SCAPER: variants seen among roughly 807,000 people sequenced by gnomAD.
SCAPER encodes S-phase cyclin A associated protein in the ER.
A neutral mutation model predicts 182.2 loss-of-function variants in SCAPER; 98 were observed. The observed-to-expected ratio is 0.54, with a 90% CI of 0.46 to 0.64. SCAPER has a LOEUF of 0.64. Ranked by LOEUF, SCAPER falls within the 30% of genes least tolerant of loss-of-function variation. SCAPER has a pLI of 0.00. For synonymous variants in SCAPER, 605 were observed against 564.6 expected (o/e 1.07, Z -1.01); for missense variants, 1,432 against 1,690.0 (o/e 0.85, Z 2.68).
At chr15:76,426,945 G>C (rs892504145) in intron 26 of SCAPER, among the ~76,000 whole-genome samples, 15 of 152,190 alleles carry the variant, frequency 9.9e-5, no homozygotes, top group Non-Finnish European at 1.8e-4. Flanking sequence ...TTTTGGTAAA[G>C]CTGCCAAGAA....
At chr15:76,810,536 TAC>T (rs1177684090) in intron 5 of SCAPER, among the ~76,000 whole-genome samples, 1 of 71,852 alleles carries the variant, frequency 1.4e-5, no homozygotes, top group Admixed American at 1.3e-4. Context: ...AATCTAGCAA[TAC>T]AAAAAAAAAA....
In SCAPER at chr15:76,610,999, C is replaced by T. The variant is rs1236210129; in HGVS notation, c.2711+10765G>A. Among the ~76,000 whole-genome samples, 4 of 152,130 alleles carry T rather than the reference C, an allele frequency of 2.6e-5. No individual in the cohort carries two copies. In the East Asian group the frequency reaches 7.7e-4, roughly 29 times the overall value. ...AAAAAGAACAGAACTGAAGGCATCACACTTCCTGACTTTAAATTATATTAT... is the reference window on the plus strand; with the variant it reads ...AAAAAGAACAGAACTGAAGGCATCATACTTCCTGACTTTAAATTATATTAT... On this transcript the variant is annotated intron_variant, in intron 22 of 31. Coordinates refer to ENST00000563290, the MANE Select transcript of SCAPER (RefSeq NM_020843.4).
At chr15:76,687,479 A>G (rs1321620355) in intron 20 of SCAPER, among the ~76,000 whole-genome samples, 1 of 152,232 alleles carries the variant, frequency 6.6e-6, no homozygotes, top group Non-Finnish European at 1.5e-5. Context: ...TTTGGGGTAC[A>G]TATGCAGAAC....
intron 23 of SCAPER, among the ~76,000 whole-genome samples, chr15:76,514,187 T>C (rs2042252467): frequency 6.6e-6 from 1 of 152,172 alleles, no homozygotes; most frequent in Non-Finnish European, 1.5e-5. Flanking sequence ...GAAAAAACTT[T>C]CACAGAAAGC....
At chr15:76,406,473 A>C (rs2044839554) in intron 26 of SCAPER, among the ~76,000 whole-genome samples, 1 of 151,766 alleles carries the variant, frequency 6.6e-6, no homozygotes. Context: ...GTGAGACTCC[A>C]TCTCAAGAAA....
intron 10 of SCAPER, among the ~76,000 whole-genome samples, chr15:76,768,107 T>C (rs1313668096): frequency 2.0e-5 from 3 of 152,194 alleles, no homozygotes; most frequent in African/African-American, 7.2e-5. Flanking sequence ...CTAATGAGAA[T>C]GTAAAATGAT....
chr15:76,570,067 A>G (rs2047328687), intron 23 of SCAPER, among the ~76,000 whole-genome samples: 1 of 152,092 alleles, frequency 6.6e-6, no homozygotes, highest in East Asian at 1.9e-4. Flanking sequence ...GGTTGCTATT[A>G]TCTTTCTCCA....
intron 15 of SCAPER, among the ~76,000 whole-genome samples, chr15:76,734,330 T>C (rs2061112860): frequency 1.3e-5 from 2 of 152,156 alleles, no homozygotes; most frequent in South Asian, 4.2e-4. Context: ...GAGCGGAGGG[T>C]ATGCTACAGT....
At chr15:76,818,955 G>C (rs371749254) in intron 5 of SCAPER, among the ~76,000 whole-genome samples, 2 of 152,240 alleles carry the variant, frequency 1.3e-5, no homozygotes, top group Non-Finnish European at 1.5e-5. Flanking sequence ...CACATGGCTC[G>C]GAGGGTCCTA....
Position 76,427,454 on chromosome 15 carries a change from A to G in SCAPER, c.3311+6624T>C, listed in dbSNP as rs114240927. 2.2e-3 allele frequency among the ~76,000 whole-genome samples: 328 copies of G among 152,350 alleles called. 1 individual carries two copies. The highest frequency in any genetic ancestry group is 7.5e-3 in the African/African-American group (314 of 41,590). On this transcript the variant is annotated intron_variant, in intron 26 of 31. Transcript: ENST00000563290. ...AGACATACAAATGGCCAACAGGTAT[A>G]CGAAAAAATGCTCAACATCACTAAT...
At position 76,765,613 on chromosome 15, in the gene SCAPER, G is replaced by T; in HGVS notation, c.1445C>A (p.Ser482Tyr). ...CCAGTCCATGGACATACCACAGAAA[G>T]AAACACTCCCACTGCCCATGCTGGC... ...FSASMGSGSV[S>Y]FCGMSMDWND... The change falls in exon 12 of 32, where the codon TCT (serine) becomes TAT (tyrosine). Residue 482 changes from serine to tyrosine, a missense_variant. Physicochemically the swap from Ser to Tyr is moderately radical, Grantham distance 144. Around this residue, in one of 5 missense-constraint regions of SCAPER, gnomAD observed 128 missense variants for 149.9 expected, o/e 0.85. Coordinates refer to ENST00000563290, the MANE Select transcript of SCAPER (RefSeq NM_020843.4). 1 of 1,585,308 alleles carries T rather than the reference G, an allele frequency of 6.3e-7. No individual in the cohort carries two copies. Among genetic ancestry groups the T allele is most frequent in the South Asian group, 1.2e-5 (1 of 86,926 alleles).
At chr15:76,648,188 A>AT (rs2146482709) in intron 21 of SCAPER, among the ~76,000 whole-genome samples, 1 of 77,280 alleles carries the variant, frequency 1.3e-5, no homozygotes, top group African/African-American at 2.8e-5. Flanking sequence ...AAATGAAAAC[A>AT]TAAAAAAAAA....
chr15:76,697,202 T>A (rs1296868491), intron 20 of SCAPER, among the ~76,000 whole-genome samples: 2 of 152,186 alleles, frequency 1.3e-5, no homozygotes, highest in Non-Finnish European at 2.9e-5. Flanking sequence ...ATAGATACCC[T>A]CTACTGATTA....
intron 29 of SCAPER, among the ~76,000 whole-genome samples, chr15:76,375,215 C>CAAAAA (rs35499483): frequency 5.3e-5 from 3 of 56,906 alleles, no homozygotes; most frequent in Non-Finnish European, 9.0e-5. Context: ...AAGAACTTGT[C>CAAAAA]AAAAAAAAAA....
At chr15:76,468,473 A>G (rs919787691) in intron 25 of SCAPER, among the ~76,000 whole-genome samples, 2 of 152,122 alleles carry the variant, frequency 1.3e-5, no homozygotes, top group African/African-American at 4.8e-5. Flanking sequence ...GTTACAACGA[A>G]GGTTATTCAA....
intron 20 of SCAPER, among the ~76,000 whole-genome samples, chr15:76,686,516 A>T (rs926220062): frequency 6.6e-6 from 1 of 152,090 alleles, no homozygotes; most frequent in Non-Finnish European, 1.5e-5. Flanking sequence ...TCTAAAATTG[A>T]ACATTTATAT....
intron 1 of SCAPER, among the ~76,000 whole-genome samples, chr15:76,889,015 C>A (rs1568413881): frequency 6.6e-6 from 1 of 152,100 alleles, no homozygotes; most frequent in Non-Finnish European, 1.5e-5. Flanking sequence ...AGAGTAGGGG[C>A]CAATATTCAA....
At chr15:76,399,021 A>G (rs2044271412) in intron 27 of SCAPER, among the ~76,000 whole-genome samples, 1 of 152,202 alleles carries the variant, frequency 6.6e-6, no homozygotes, top group South Asian at 2.1e-4. Flanking sequence ...GGGGGACCCA[A>G]TGAGCCTCAA....
At chr15:76,431,924 C>T (rs1471896849) in intron 26 of SCAPER, among the ~76,000 whole-genome samples, 3 of 152,062 alleles carry the variant, frequency 2.0e-5, no homozygotes, top group Non-Finnish European at 4.4e-5. Flanking sequence ...ACCACTGCTC[C>T]TTCCTAAAGG....
Sources: gnomAD v4.1 joint callset for allele counts (sites outside exome capture counted in the v4.1 genomes callset) on GRCh38, gnomAD v4.1.1 for gene constraint, gnomAD v4.1.1 regional missense constraint, MANE v1.5 for transcripts, NCBI Gene and HGNC (gene_info 2026-07-23, HGNC 2026-07-21) for gene names.